The following GARRE1 variants were observed in gnomAD, a reference collection of about 807,000 sequenced individuals.
GARRE1 encodes granule associated Rac and RHOG effector protein 1.
In GARRE1, 49 loss-of-function variants were observed where a neutral mutation model predicts 103.2. The observed-to-expected ratio is 0.47, with a 90% confidence interval of 0.38 to 0.60. GARRE1 has a LOEUF of 0.60. Among genes scored for constraint, GARRE1 ranks in the 20% least tolerant of loss-of-function variants. The pLI is 0.00. For missense variants in GARRE1, 1,199 were observed against 1,370.5 expected, an observed-to-expected ratio of 0.87 and a Z score of 1.98; for synonymous variants, 505 against 532.8, an observed-to-expected ratio of 0.95 and a Z score of 0.72.
Position 34,352,859 on chromosome 19 carries a change from GC to G in GARRE1, c.3122del (p.Pro1041HisfsTer50). Reference sequence around the variant, plus strand: ...TCTCCTATGTGCAGACCCCACCCCAGCCCCCACCCCCACCAGCACACAAGGC... The same window carrying G: ...TCTCCTATGTGCAGACCCCACCCCAGCCCCACCCCCACCAGCACACAAGGC... ...AFSYVQTPPQ[P>X]PPPPAHKAAP... On this transcript the variant is annotated frameshift_variant, in exon 14 of 14. Coordinates refer to ENST00000299505, the MANE Select transcript of GARRE1 (RefSeq NM_014686.5). LOFTEE classifies it high-confidence loss of function. 8.7e-7 allele frequency: 1 copy of G among 1,153,306 alleles called. No individual in the cohort carries two copies. The highest frequency in any genetic ancestry group is 1.3e-6 in the Non-Finnish European group (1 of 789,922). The allele number at this position is 1,153,306 out of a possible 1,614,324, so 71.4% of individuals were successfully genotyped here.
intron 10 of GARRE1, among the ~76,000 whole-genome samples, chr19:34,343,917 T>C (rs2074198568): frequency 1.3e-5 from 2 of 152,214 alleles, no homozygotes; most frequent in Admixed American, 6.5e-5. Flanking sequence ...TAGTGCCTTA[T>C]ATAATGAAAC....
intron 1 of GARRE1, among the ~76,000 whole-genome samples, chr19:34,280,319 T>A (rs1227591759): frequency 6.6e-6 from 1 of 152,190 alleles, no homozygotes; most frequent in Non-Finnish European, 1.5e-5. Context: ...ATATCACTAG[T>A]GATTAGTGAT....
At chr19:34,301,513 C>CAAAAAA (rs57777660) in intron 2 of GARRE1, among the ~76,000 whole-genome samples, 5 of 85,380 alleles carry the variant, frequency 5.9e-5, no homozygotes, top group East Asian at 1.0e-3. Context: ...GACCATGTCT[C>CAAAAAA]AAAAAAAAAA....
chr19:34,298,261 C>A (rs1486099745), intron 1 of GARRE1, among the ~76,000 whole-genome samples: 2 of 151,576 alleles, frequency 1.3e-5, no homozygotes, highest in African/African-American at 4.9e-5. Context: ...ACAAAAAATA[C>A]AAAAATTAAC....
At chr19:34,315,868 G>T (rs1478405871) in intron 2 of GARRE1, among the ~76,000 whole-genome samples, 1 of 152,156 alleles carries the variant, frequency 6.6e-6, no homozygotes, top group Non-Finnish European at 1.5e-5. Flanking sequence ...AGCAGCAGAT[G>T]TTGTGTGTGT....
At chr19:34,298,503 A>G (rs1250004201) in intron 1 of GARRE1, among the ~76,000 whole-genome samples, 2 of 151,982 alleles carry the variant, frequency 1.3e-5, no homozygotes, top group Non-Finnish European at 2.9e-5. Flanking sequence ...ACCTGAGGTC[A>G]GGAGTTCGAG....
intron 7 of GARRE1, among the ~76,000 whole-genome samples, chr19:34,330,951 G>A (rs1322304854): frequency 1.3e-5 from 2 of 150,098 alleles, no homozygotes. Flanking sequence ...ACAGGCTGGA[G>A]TGCAGTGGCG....
chr19:34,341,714 A>G lies in GARRE1; in HGVS notation c.1780A>G (p.Ile594Val). ...TACAAGGTTACAAAGCATTTTGAAC[A>G]TTGGTAATTTCCCCAGGACTACAGA... ...IDTRLQSILNIGNFPRTTDPS... is the reference protein window; with the variant it reads ...IDTRLQSILNVGNFPRTTDPS... Residue 594 changes from isoleucine to valine, a missense_variant, in exon 10 of 14, where the codon ATT becomes GTT. By Grantham distance (29) the Ile-to-Val change is conservative. Transcript: ENST00000299505. 6.2e-7 allele frequency: 1 copy of G among 1,614,242 alleles called. No homozygotes were observed.
At chr19:34,297,688 G>A (rs917118204) in intron 1 of GARRE1, among the ~76,000 whole-genome samples, 1 of 152,212 alleles carries the variant, frequency 6.6e-6, no homozygotes, top group Admixed American at 6.5e-5. Context: ...TGCTTCTGTT[G>A]TATATCAGAA....
At position 34,320,102 on chromosome 19, in the gene GARRE1, C is replaced by A. The variant is rs375428393; in HGVS notation, c.691C>A (p.Arg231=). 6.2e-7 allele frequency: 1 copy of A among 1,613,814 alleles called. No homozygotes were observed. ...AGTAGAGGAAGCTGTGCGGTCCTGG[C>A]GGGGGGCTGCTGAGGTAACCCTGGC... is the stretch of plus-strand genomic sequence containing the variant. ...PEVEEAVRSW[R]GAAEATSRLR... is the part of the protein sequence containing the mutation. The change falls in exon 3 of 14, where the codon CGG becomes AGG. Residue 231 remains arginine (R), a synonymous_variant. Transcript: ENST00000299505.
intron 10 of GARRE1, among the ~76,000 whole-genome samples, chr19:34,345,681 G>C (rs1179375420): frequency 2.6e-5 from 4 of 152,174 alleles, no homozygotes; most frequent in African/African-American, 9.7e-5. Context: ...AATTAGCCAG[G>C]TGTGGTGGCA....
intron 7 of GARRE1, among the ~76,000 whole-genome samples, chr19:34,332,376 A>G (rs922360549): frequency 2.0e-5 from 3 of 152,192 alleles, no homozygotes; most frequent in African/African-American, 7.2e-5. Flanking sequence ...GGACCATGCC[A>G]ATGAGTTCCC....
intron 1 of GARRE1, among the ~76,000 whole-genome samples, chr19:34,254,947 C>T (rs974012786): frequency 6.6e-6 from 1 of 151,482 alleles, no homozygotes; most frequent in African/African-American, 2.4e-5. Context: ...AAAGGGGACG[C>T]TCCCTCGGTT....
intron 8 of GARRE1, among the ~76,000 whole-genome samples, chr19:34,334,100 C>T (rs907951494): frequency 1.3e-5 from 2 of 152,130 alleles, no homozygotes; most frequent in African/African-American, 2.4e-5. Flanking sequence ...AGCATTTAAA[C>T]ATAGTATATC....
At chr19:34,294,064 A>C (rs931628970) in intron 1 of GARRE1, among the ~76,000 whole-genome samples, 1 of 151,902 alleles carries the variant, frequency 6.6e-6, no homozygotes, top group African/African-American at 2.4e-5. Context: ...GCCCGGTTGC[A>C]TAAACTTATT....
rs372379816 is a variant in GARRE1, at chr19:34,317,522, C to A, written c.496-2385C>A. 6.6e-5 allele frequency among the ~76,000 whole-genome samples: 10 copies of A among 152,296 alleles called. No homozygotes were observed. The East Asian group carries it at 1.9e-3, about 29-fold the overall frequency. On this transcript the variant is annotated intron_variant, in intron 2 of 13. Coordinates refer to ENST00000299505, the MANE Select transcript of GARRE1 (RefSeq NM_014686.5). ...TGAGGAGCCGGCTCACTCCCCCTCC[C>A]TGTGTCTGCAGTGGGTGGGGAGATT...
At chr19:34,269,726 C>T (rs1230827716) in intron 1 of GARRE1, among the ~76,000 whole-genome samples, 1 of 152,084 alleles carries the variant, frequency 6.6e-6, no homozygotes, top group Non-Finnish European at 1.5e-5. Context: ...CAGACCTGAC[C>T]TTTGTTTTGT....
intron 1 of GARRE1, among the ~76,000 whole-genome samples, chr19:34,298,762 C>T (rs117739929): frequency 0.015 from 2,221 of 152,136 alleles, 24 homozygotes; most frequent in South Asian, 0.023. Context: ...TTCAGTGAAA[C>T]GTATTTGAAC....
chr19:34,331,437 C>T (rs1218659070), intron 7 of GARRE1, among the ~76,000 whole-genome samples: 3 of 152,152 alleles, frequency 2.0e-5, no homozygotes, highest in Non-Finnish European at 4.4e-5. Context: ...CAAGAGGCCT[C>T]CCTTGACCAC....
Sources: gnomAD v4.1 joint callset for allele counts (sites outside exome capture counted in the v4.1 genomes callset) on GRCh38, gnomAD v4.1.1 for gene constraint, MANE v1.5 for transcripts, NCBI Gene and HGNC (gene_info 2026-07-23, HGNC 2026-07-21) for gene names.